Variants in OR52I2 observed in about 807,000 individuals in gnomAD.
OR52I2 encodes olfactory receptor family 52 subfamily I member 2.
For missense variants in OR52I2, 350 were observed against 402.4 expected (o/e 0.87, Z 1.11); for synonymous variants, 147 against 151.9 (o/e 0.97, Z 0.24).
At chr11:4,587,393 G>A (rs749153738) in exon 2 of OR52I2, 2 of 1,613,840 alleles carry the variant, frequency 1.2e-6, no homozygotes, top group Non-Finnish European at 1.7e-6. Context: ...TGGATGGTGA[G>A]TCATCTACCT....
At chr11:4,587,635 G>A (rs1367287635) in exon 2 of OR52I2, 2 of 1,614,032 alleles carry the variant, frequency 1.2e-6, no homozygotes, top group African/African-American at 2.7e-5. Flanking sequence ...TGGCTCCCAT[G>A]TGGGGGTTAT....
In OR52I2 at chr11:4,589,622, A is replaced by G. The variant is rs534482543; in HGVS notation, c.*1757A>G. 4 of 152,262 alleles carry G rather than the reference A, an allele frequency of 2.6e-5. No individual in the cohort carries two copies. In the East Asian group the frequency reaches 7.7e-4, roughly 29 times the overall value. The allele number at this position is 152,262 out of a possible 1,614,324, so 9.4% of individuals were successfully genotyped here. A position where few individuals can be genotyped will look rare whatever the true frequency, so the allele number is the denominator to read the frequency against. On this transcript the variant is annotated 3_prime_UTR_variant, in exon 2 of 2. Transcript: ENST00000641896. The stretch of plus-strand genomic sequence containing the variant: ...TAGGAAAGGTGGGAGAGAGAATGGG[A>G]CATATAATTAATTGAAAGCAGAGAG...
chr11:4,587,682 T>C, exon 2 of OR52I2: 1 of 1,614,222 alleles, frequency 6.2e-7, no homozygotes. Context: ...CATCCATCTA[T>C]GCGGCCTGGT....
rs142676846 is a variant in OR52I2, at chr11:4,586,973, A to C, written c.83A>C (p.His28Pro). The C allele has an allele frequency of 2.2e-5, 36 of 1,614,004 alleles. No individual in the cohort carries two copies. In the African/African-American group the frequency reaches 3.5e-4, roughly 16 times the overall value. Residue 28 changes from histidine (H) to proline (P), a missense_variant, in exon 2 of 2, where the codon CAT becomes CCT. Transcript: ENST00000641896. Reference sequence around the variant, plus strand: ...GGTATCCCAGGACTGCAATCTTCACATCTTTGGCTGGCTATCTCACTGAGT... The same window carrying C: ...GGTATCCCAGGACTGCAATCTTCACCTCTTTGGCTGGCTATCTCACTGAGT...
exon 2 of OR52I2, chr11:4,591,592 C>A (rs372505443): frequency 2.6e-5 from 4 of 152,184 alleles, no homozygotes; most frequent in African/African-American, 9.7e-5. Context: ...ACTTGAGATT[C>A]TAAGTCCAGG....
chr11:4,587,980 T>A, exon 2 of OR52I2: 1 of 851,546 alleles, frequency 1.2e-6, no homozygotes, highest in Non-Finnish European at 1.9e-6. Flanking sequence ...TATCCTTGCA[T>A]AACTTTTCAA....
At chr11:4,586,324 T>C (rs1239858072) in intron 1 of OR52I2, among the ~76,000 whole-genome samples, 1 of 152,186 alleles carries the variant, frequency 6.6e-6, no homozygotes, top group African/African-American at 2.4e-5. Context: ...CCTCAGGAAG[T>C]TTTTGTTCAT....
chr11:4,583,282 C>A (rs55743755), intron 1 of OR52I2, among the ~76,000 whole-genome samples: 6,697 of 150,778 alleles, frequency 0.044, 161 homozygotes, highest in Non-Finnish European at 0.061. Flanking sequence ...AAAAAAAAAC[C>A]CACCACTCTC....
chr11:4,587,914 C>G (rs1450565001), exon 2 of OR52I2: 4 of 1,468,068 alleles, frequency 2.7e-6, no homozygotes, highest in Middle Eastern at 1.8e-4. Flanking sequence ...CCTTAGAGAT[C>G]TGCAGAGCTT....
intron 1 of OR52I2, among the ~76,000 whole-genome samples, chr11:4,584,580 T>C (rs1846284332): frequency 6.6e-6 from 1 of 152,164 alleles, no homozygotes; most frequent in South Asian, 2.1e-4. Flanking sequence ...GAACCATTCT[T>C]AGGCTTTCTT....
At chr11:4,583,624 C>T (rs914300258) in intron 1 of OR52I2, among the ~76,000 whole-genome samples, 3 of 152,216 alleles carry the variant, frequency 2.0e-5, no homozygotes, top group Non-Finnish European at 2.9e-5. Context: ...TAAGATGTCT[C>T]GCCCAGTGTC....
At chr11:4,583,073 A>G (rs1467068272) in intron 1 of OR52I2, among the ~76,000 whole-genome samples, 2 of 152,206 alleles carry the variant, frequency 1.3e-5, no homozygotes, top group Admixed American at 6.5e-5. Flanking sequence ...AAACAGGAAG[A>G]AAAAGAGTCA....
exon 2 of OR52I2, chr11:4,587,652 G>T (rs758981831): frequency 1.4e-5 from 23 of 1,614,148 alleles, no homozygotes; most frequent in Non-Finnish European, 1.9e-5. Context: ...TTATGGCTTT[G>T]TACTATCTAC....
chr11:4,585,881 A>G, intron 1 of OR52I2, among the ~76,000 whole-genome samples: 1 of 152,270 alleles, frequency 6.6e-6, no homozygotes, highest in African/African-American at 2.4e-5. Context: ...GAATACACTC[A>G]GACTATGAAT....
At chr11:4,591,964 A>G (rs1846353325) in exon 2 of OR52I2, 1 of 152,238 alleles carries the variant, frequency 6.6e-6, no homozygotes, top group Non-Finnish European at 1.5e-5. Flanking sequence ...TGTTGTGCAC[A>G]GCCACTGGGT....
exon 2 of OR52I2, chr11:4,590,553 A>T (rs1365587804): frequency 6.6e-6 from 1 of 152,232 alleles, no homozygotes; most frequent in Non-Finnish European, 1.5e-5. Context: ...TAGAGCTTCC[A>T]GGGCTGAGGC....
At chr11:4,592,064 TTCAAA>T (rs1192517302) in exon 2 of OR52I2, 1 of 152,216 alleles carries the variant, frequency 6.6e-6, no homozygotes, top group African/African-American at 2.4e-5. Context: ...AAATGTGGTC[TTCAAA>T]TCACATACAC....
At chr11:4,586,825 A>G (rs1307362057) in intron 1 of OR52I2, 47 bp from the exon 2 acceptor site, 8 of 1,613,212 alleles carry the variant, frequency 5.0e-6, no homozygotes, top group Non-Finnish European at 6.8e-6. Context: ...GTGTCAACAA[A>G]TCTTACGGGA....
At position 4,587,168 on chromosome 11, in the gene OR52I2, A is replaced by G. The variant is rs115128348; in HGVS notation, c.278A>G (p.Asp93Gly). Residue 93 changes from aspartate (D) to glycine (G), a missense_variant, in exon 2 of 2, where the codon GAC (aspartate) becomes GGC (glycine). Physicochemically the swap from Asp to Gly is moderately conservative, Grantham distance 94. Coordinates refer to ENST00000641896, the Ensembl canonical transcript of OR52I2. ...ATGGTGAGCATCTTCTGCTCAGGAG[A>G]CAGCTCAATCAGCTTTAGTGCTTGT... is the stretch of plus-strand genomic sequence containing the variant. The G allele has an allele frequency of 9.1e-5, 147 of 1,614,054 alleles. No homozygotes were observed. In the African/African-American group the frequency reaches 1.3e-3, roughly 14 times the overall value.
Sources: allele counts gnomAD v4.1 joint callset (sites outside exome capture counted in the v4.1 genomes callset), GRCh38; gene constraint gnomAD v4.1.1; transcripts MANE v1.5; gene names NCBI Gene and HGNC (gene_info 2026-07-23, HGNC 2026-07-21).